The following PTPRN2 variants were observed in gnomAD, a reference collection of about 807,000 sequenced individuals.
The protein encoded by PTPRN2 is receptor-type tyrosine-protein phosphatase N2.
PTPRN2 carries 74 observed loss-of-function variants against 118.8 expected under a neutral mutation model. That is an observed-to-expected ratio of 0.62 (90% CI 0.52 to 0.76). The LOEUF (loss-of-function observed/expected upper bound fraction) is 0.76, where lower values mean the gene tolerates loss of function less well. Among genes scored for constraint, PTPRN2 ranks in the 30% least tolerant of loss-of-function variants. The probability of loss-of-function intolerance (pLI) is 0.00; values close to 1 mark genes in which losing one functional copy is unlikely to be tolerated. For synonymous variants in PTPRN2, 641 were observed against 608.0 expected, an observed-to-expected ratio of 1.05 and a Z score of -0.80; for missense variants, 1,481 against 1,394.4, an observed-to-expected ratio of 1.06 and a Z score of -0.99.
At chr7:158,140,836 G>A (rs564517883) in intron 6 of PTPRN2, among the ~76,000 whole-genome samples, 1 of 152,328 alleles carries the variant, frequency 6.6e-6, no homozygotes, top group East Asian at 1.9e-4. Context: ...TAAAGACTCT[G>A]CCCTAAAGAA....
chr7:158,077,587 C>T (rs944594013), intron 11 of PTPRN2, among the ~76,000 whole-genome samples: 2 of 147,896 alleles, frequency 1.4e-5, no homozygotes, highest in Non-Finnish European at 3.0e-5. Context: ...GGGCTGAGTG[C>T]CAGAGACACA....
At chr7:157,932,608 C>T (rs150911624) in intron 11 of PTPRN2, among the ~76,000 whole-genome samples, 179 of 149,248 alleles carry the variant, frequency 1.2e-3, no homozygotes, top group African/African-American at 4.2e-3. Context: ...GTGAGTCACT[C>T]TGACAGTTTT....
intron 11 of PTPRN2, among the ~76,000 whole-genome samples, chr7:158,023,441 A>G (rs1348766369): frequency 6.6e-6 from 1 of 152,048 alleles, no homozygotes; most frequent in African/African-American, 2.4e-5. Context: ...TCTTTGCGGT[A>G]ATTAACACTC....
At chr7:158,320,796 A>C (rs1187759518) in intron 2 of PTPRN2, among the ~76,000 whole-genome samples, 1 of 152,174 alleles carries the variant, frequency 6.6e-6, no homozygotes, top group Admixed American at 6.5e-5. Context: ...TTGTGACCAG[A>C]AGGAAGGAGC....
chr7:158,071,388 G>GA (rs1563390947), intron 11 of PTPRN2, among the ~76,000 whole-genome samples: 3 of 101,356 alleles, frequency 3.0e-5, no homozygotes, highest in African/African-American at 1.1e-4. Context: ...GGTGCTCGTG[G>GA]TGGAGGTGCT....
chr7:157,951,515 C>A (rs1443867822), intron 11 of PTPRN2, among the ~76,000 whole-genome samples: 1 of 152,170 alleles, frequency 6.6e-6, no homozygotes, highest in East Asian at 1.9e-4. Flanking sequence ...AGGAGGGTCC[C>A]ATGGGGCTCC....
intron 12 of PTPRN2, among the ~76,000 whole-genome samples, chr7:157,819,759 C>T (rs1806688137): frequency 6.6e-6 from 1 of 152,016 alleles, no homozygotes; most frequent in Admixed American, 6.6e-5. Flanking sequence ...CCCGCCCACC[C>T]ACTGCCAGCC....
intron 12 of PTPRN2, among the ~76,000 whole-genome samples, chr7:157,855,029 G>T (rs1272573210): frequency 6.6e-6 from 1 of 151,430 alleles, no homozygotes; most frequent in Non-Finnish European, 1.5e-5. Flanking sequence ...GATCAGGGAG[G>T]CTGGCTTTGC....
chr7:158,201,602 AG>A (rs1826653025), intron 4 of PTPRN2, among the ~76,000 whole-genome samples: 1 of 152,210 alleles, frequency 6.6e-6, no homozygotes, highest in Non-Finnish European at 1.5e-5. Flanking sequence ...ACCAAGAGCC[AG>A]GCACCCTTTT....
intron 2 of PTPRN2, among the ~76,000 whole-genome samples, chr7:158,336,314 T>C (rs1358374746): frequency 7.2e-6 from 1 of 139,328 alleles, no homozygotes; most frequent in African/African-American, 2.7e-5. Context: ...ACCCACACTC[T>C]CACCATAAGA....
At chr7:157,775,107 C>T (rs114495232) in intron 12 of PTPRN2, among the ~76,000 whole-genome samples, 264 of 152,258 alleles carry the variant, frequency 1.7e-3, no homozygotes, top group African/African-American at 6.2e-3. Context: ...GAAGGAGAAA[C>T]GTTTCATGAA....
At chr7:158,329,289 C>G (rs536613077) in intron 2 of PTPRN2, among the ~76,000 whole-genome samples, 93 of 152,298 alleles carry the variant, frequency 6.1e-4, no homozygotes, top group South Asian at 1.0e-3. Flanking sequence ...AGAACACAGC[C>G]AGTCATGCCT....
chr7:157,789,695 TGTGTGTGTG>T (rs1007340103), intron 12 of PTPRN2, among the ~76,000 whole-genome samples: 2 of 142,758 alleles, frequency 1.4e-5, no homozygotes, highest in African/African-American at 5.1e-5. Flanking sequence ...TGTGGGGGTA[TGTGTGTGTG>T]GTGTGTGTGG....
At chr7:158,238,834 TGAAG>T (rs1258531491) in intron 3 of PTPRN2, among the ~76,000 whole-genome samples, 34 of 151,992 alleles carry the variant, frequency 2.2e-4, no homozygotes, top group African/African-American at 8.2e-4. Context: ...CAAGGCCCCA[TGAAG>T]GGAGACAAAA....
At chr7:157,864,012 T>C (rs762194820) in intron 12 of PTPRN2, 3 of 152,258 alleles carry the variant, frequency 2.0e-5, no homozygotes, top group Non-Finnish European at 4.4e-5. Context: ...GCTCTCTGCA[T>C]GTGTGATTCT....
chr7:157,833,857 G>T (rs917678401), intron 12 of PTPRN2, among the ~76,000 whole-genome samples: 9 of 152,202 alleles, frequency 5.9e-5, no homozygotes, highest in African/African-American at 9.6e-5. Flanking sequence ...CAGCATTGTG[G>T]CTTTCTGAGT....
At chr7:157,692,111 C>T (rs1797531076) in intron 12 of PTPRN2, among the ~76,000 whole-genome samples, 1 of 152,238 alleles carries the variant, frequency 6.6e-6, no homozygotes, top group Admixed American at 6.5e-5. Flanking sequence ...TTTAGTTTCT[C>T]CTTTTCTGGA....
At chr7:158,586,464 C>A (rs944831182) in intron 1 of PTPRN2, among the ~76,000 whole-genome samples, 3 of 152,206 alleles carry the variant, frequency 2.0e-5, no homozygotes, top group Middle Eastern at 3.2e-3. Context: ...CCTCCATCCC[C>A]GCCTGCGTTT....
At chr7:157,935,473 C>T (rs1017233348) in intron 11 of PTPRN2, among the ~76,000 whole-genome samples, 16 of 152,216 alleles carry the variant, frequency 1.1e-4, no homozygotes, top group African/African-American at 3.6e-4. Context: ...AAAATCTACA[C>T]GTGGTTCTTC....
Sources: gnomAD v4.1 joint callset for allele counts (sites outside exome capture counted in the v4.1 genomes callset) on GRCh38, gnomAD v4.1.1 for gene constraint, MANE v1.5 for transcripts, NCBI Gene and HGNC (gene_info 2026-07-23, HGNC 2026-07-21) for gene names.